GRM7: variants seen among roughly 807,000 people sequenced by gnomAD.
GRM7 encodes glutamate metabotropic receptor 7, also known as metabotropic glutamate receptor 7.
Under a neutral mutation model 84.5 loss-of-function variants are expected in GRM7, and 35 were observed. That is an observed-to-expected ratio of 0.41 (90% CI 0.32 to 0.55). The LOEUF (loss-of-function observed/expected upper bound fraction) is 0.55, where lower values mean the gene tolerates loss of function less well. GRM7 is among the 20% of genes least tolerant of loss of function. GRM7 has a pLI of 0.19. For missense variants in GRM7, 1,003 were observed against 1,194.6 expected (o/e 0.84, Z 2.36); for synonymous variants, 487 against 455.1 (o/e 1.07, Z -0.89).
At chr3:7,435,586 C>T (rs933080735) in intron 5 of GRM7, among the ~76,000 whole-genome samples, 1 of 151,868 alleles carries the variant, frequency 6.6e-6, no homozygotes, top group East Asian at 1.9e-4. Flanking sequence ...GATCTCAGCT[C>T]GCTGCAACCT....
chr3:7,572,685 G>C (rs895428878), intron 7 of GRM7, among the ~76,000 whole-genome samples: 1 of 150,472 alleles, frequency 6.6e-6, no homozygotes, highest in African/African-American at 2.5e-5. Flanking sequence ...AGCCAGGCAT[G>C]GGGGCGGGTG....
intron 8 of GRM7, among the ~76,000 whole-genome samples, chr3:7,666,746 TTTA>T (rs1399978759): frequency 3.3e-5 from 5 of 152,138 alleles, no homozygotes; most frequent in African/African-American, 9.7e-5. Flanking sequence ...TATTATTAAT[TTTA>T]TTATTATTAC....
chr3:7,534,981 A>T (rs749042030), intron 7 of GRM7, among the ~76,000 whole-genome samples: 10 of 151,884 alleles, frequency 6.6e-5, no homozygotes, highest in Middle Eastern at 3.4e-3. Context: ...CCACTTTTCC[A>T]CTCTTGTTTT....
chr3:7,380,083 T>G (rs188013597), intron 4 of GRM7, among the ~76,000 whole-genome samples: 3 of 152,286 alleles, frequency 2.0e-5, no homozygotes, highest in Non-Finnish European at 1.5e-5. Flanking sequence ...AATAGGCAGT[T>G]GTAGAATGGC....
chr3:7,444,006 T>C (rs1432370244), intron 5 of GRM7, among the ~76,000 whole-genome samples: 1 of 152,192 alleles, frequency 6.6e-6, no homozygotes, highest in East Asian at 1.9e-4. Flanking sequence ...AAGATTAAGC[T>C]ATGGTTCCAG....
intron 2 of GRM7, among the ~76,000 whole-genome samples, chr3:7,213,738 C>T (rs981620920): frequency 9.9e-5 from 15 of 152,256 alleles, no homozygotes; most frequent in Non-Finnish European, 1.9e-4. Context: ...TGCCTTGAGG[C>T]ACTTGGACAA....
chr3:7,515,843 A>G (rs561521620), intron 7 of GRM7, among the ~76,000 whole-genome samples: 2 of 152,104 alleles, frequency 1.3e-5, no homozygotes, highest in Non-Finnish European at 2.9e-5. Context: ...TGAGGCTGAT[A>G]TAAAAATGAA....
rs139238712 is a variant in GRM7 at position 7,151,582 on chromosome 3, G to A, written c.736+4914G>A. 2.8e-4 allele frequency among the ~76,000 whole-genome samples: 43 copies of A among 152,192 alleles called. No homozygotes were observed. The East Asian group carries it at 7.7e-3, about 27-fold the overall frequency. ...TGCCAATTTACTTTAAGCTCCATAA[G>A]GGCAAGGACATTTTCCTGTGTTTCT... On this transcript the variant is annotated intron_variant, in intron 2 of 9. Coordinates refer to ENST00000357716, the MANE Select transcript of GRM7 (RefSeq NM_000844.4). The surrounding 1 kb of genome is among the most constrained non-coding windows in gnomAD (Gnocchi z 4.5).
intron 1 of GRM7, among the ~76,000 whole-genome samples, chr3:6,924,797 A>G (rs1006127677): frequency 1.3e-5 from 2 of 152,160 alleles, no homozygotes; most frequent in Non-Finnish European, 2.9e-5. Flanking sequence ...ATGTCAGTAG[A>G]AGGGATGGAA....
chr3:6,955,252 A>G (rs1434971417), intron 1 of GRM7, among the ~76,000 whole-genome samples: 1 of 152,172 alleles, frequency 6.6e-6, no homozygotes, highest in East Asian at 1.9e-4. Flanking sequence ...GAATAGAATG[A>G]CGGCCGGGGC....
chr3:7,462,284 C>T, intron 7 of GRM7, among the ~76,000 whole-genome samples: 1 of 152,130 alleles, frequency 6.6e-6, no homozygotes, highest in South Asian at 2.1e-4. Flanking sequence ...CCAAAACAAT[C>T]CAAAAATTCT....
At chr3:6,902,442 A>C (rs1559318399) in intron 1 of GRM7, among the ~76,000 whole-genome samples, 3 of 152,162 alleles carry the variant, frequency 2.0e-5, no homozygotes, top group Non-Finnish European at 4.4e-5. Context: ...AATGTTATTG[A>C]AGTATATTCC....
chr3:7,180,678 G>A (rs1042344786), intron 2 of GRM7, among the ~76,000 whole-genome samples: 1 of 152,068 alleles, frequency 6.6e-6, no homozygotes, highest in African/African-American at 2.4e-5. Context: ...TACTTTAGCA[G>A]GTAATTGACA....
chr3:7,050,619 C>T (rs546176198), intron 1 of GRM7, among the ~76,000 whole-genome samples: 1 of 151,830 alleles, frequency 6.6e-6, no homozygotes, highest in South Asian at 2.1e-4. Flanking sequence ...TCACAATCCT[C>T]AGAGCCAAAT....
chr3:7,435,175 T>G (rs1004193544), intron 5 of GRM7, among the ~76,000 whole-genome samples: 6 of 152,062 alleles, frequency 3.9e-5, no homozygotes, highest in Admixed American at 2.6e-4. Flanking sequence ...TTTTTTTTTT[T>G]GGGCGGGGGA....
intron 2 of GRM7, among the ~76,000 whole-genome samples, chr3:7,173,705 C>G (rs948021183): frequency 1.3e-5 from 2 of 152,088 alleles, no homozygotes; most frequent in African/African-American, 4.8e-5. Flanking sequence ...TCCTAGGCGT[C>G]CCCAGCCCCA....
chr3:7,372,729 A>T (rs1317449702), intron 4 of GRM7, among the ~76,000 whole-genome samples: 1 of 152,158 alleles, frequency 6.6e-6, no homozygotes, highest in African/African-American at 2.4e-5. Flanking sequence ...ACAATTCATC[A>T]TTTTATTTTA....
chr3:6,981,531 G>A (rs150708413), intron 1 of GRM7, among the ~76,000 whole-genome samples: 5 of 152,232 alleles, frequency 3.3e-5, no homozygotes, highest in Admixed American at 6.5e-5. Context: ...GACTTGTAAT[G>A]CAGGAGAATT....
chr3:7,467,334 G>A (rs951265072), intron 7 of GRM7, among the ~76,000 whole-genome samples: 2 of 152,214 alleles, frequency 1.3e-5, no homozygotes, highest in Middle Eastern at 3.4e-3. Flanking sequence ...TAATCAGTCC[G>A]CCTGAGCCTC....
Sources: gnomAD v4.1 joint callset for allele counts (sites outside exome capture counted in the v4.1 genomes callset) on GRCh38, gnomAD v4.1.1 for gene constraint, Gnocchi (gnomAD v3.1) non-coding constraint, MANE v1.5 for transcripts, NCBI Gene and HGNC (gene_info 2026-07-23, HGNC 2026-07-21) for gene names.